The following IMPA2 variants were observed in gnomAD, a reference collection of about 807,000 sequenced individuals.
IMPA2 encodes IMP 2.
A neutral mutation model predicts 35.1 loss-of-function variants in IMPA2; 32 were observed. That is an observed-to-expected ratio of 0.91 (90% confidence interval 0.69 to 1.23). The LOEUF (loss-of-function observed/expected upper bound fraction) is 1.23, where lower values mean the gene tolerates loss of function less well. Among genes scored for constraint, IMPA2 ranks in the 50% most tolerant of loss-of-function variants. The pLI, the probability that IMPA2 is intolerant of heterozygous loss-of-function variation, is 0.00. For synonymous variants in IMPA2, 135 were observed against 160.6 expected (o/e 0.84, Z 1.20); for missense variants, 334 against 387.6 (o/e 0.86, Z 1.16).
chr18:11,985,710 C>A (rs1906646271), intron 1 of IMPA2, among the ~76,000 whole-genome samples: 2 of 152,184 alleles, frequency 1.3e-5, no homozygotes, highest in African/African-American at 4.8e-5. Context: ...TTTTTGTCAC[C>A]ATGCCAGGTG....
At chr18:12,009,738 A>C in intron 2 of IMPA2, 145 bp from the exon 3 acceptor site, 1 of 677,196 alleles carries the variant, frequency 1.5e-6, no homozygotes, top group Non-Finnish European at 2.6e-6. Flanking sequence ...GGTTGTTTAA[A>C]GACTCTGCCT....
At chr18:12,022,130 C>G (rs189635382) in intron 5 of IMPA2, among the ~76,000 whole-genome samples, 1 of 152,268 alleles carries the variant, frequency 6.6e-6, no homozygotes, top group East Asian at 1.9e-4. Flanking sequence ...ATCATCAGCA[C>G]TATATAATCT....
At chr18:12,014,445 T>G in intron 5 of IMPA2, 72 bp downstream of exon 5, 2 of 925,414 alleles carry the variant, frequency 2.2e-6, no homozygotes, top group East Asian at 2.7e-5. Flanking sequence ...AAAGCCACCA[T>G]GATGTGGGAC....
intron 5 of IMPA2, among the ~76,000 whole-genome samples, chr18:12,022,974 T>TTG (rs1907778819): frequency 6.8e-6 from 1 of 148,124 alleles, no homozygotes; most frequent in Non-Finnish European, 1.5e-5. Flanking sequence ...TTTGTACTTT[T>TTG]AGTAGTGACA....
At chr18:11,997,608 A>G (rs1906996715) in intron 1 of IMPA2, among the ~76,000 whole-genome samples, 1 of 152,110 alleles carries the variant, frequency 6.6e-6, no homozygotes, top group Admixed American at 6.6e-5. Flanking sequence ...TGGGAGGCTG[A>G]GTTTCGGGGG....
At position 12,028,336 on chromosome 18, in the gene IMPA2, G is replaced by A. The variant is rs980509594; in HGVS notation, c.599+185G>A. On this transcript the variant is annotated intron_variant, in intron 6 of 7. Coordinates refer to ENST00000269159, the MANE Select transcript of IMPA2 (RefSeq NM_014214.3). The stretch of plus-strand genomic sequence containing the variant: ...CTGCAGTAGATACTCCTATAGCCAG[G>A]CCTCTGGAGATGCGTGGGCACCTGT... 4.8e-5 allele frequency: 28 copies of A among 577,876 alleles called. No individual in the cohort carries two copies. In the African/African-American group the frequency reaches 5.0e-4, roughly 10 times the overall value. 35.8% of individuals were successfully genotyped at this position (577,876 alleles called of 1,614,324 possible). A position where few individuals can be genotyped will look rare whatever the true frequency, so the allele number is the denominator to read the frequency against.
intron 2 of IMPA2, among the ~76,000 whole-genome samples, chr18:12,009,143 G>A (rs1907362085): frequency 6.6e-6 from 1 of 152,190 alleles, no homozygotes; most frequent in Non-Finnish European, 1.5e-5. Flanking sequence ...TGAATGTGGT[G>A]GTATGCATCT....
intron 1 of IMPA2, among the ~76,000 whole-genome samples, chr18:11,987,020 G>T (rs1906686201): frequency 6.6e-6 from 1 of 152,156 alleles, no homozygotes; most frequent in South Asian, 2.1e-4. Flanking sequence ...TATACCTATT[G>T]TGAGCCATCC....
chr18:11,995,233 C>T (rs1040002115), intron 1 of IMPA2, among the ~76,000 whole-genome samples: 6 of 152,194 alleles, frequency 3.9e-5, no homozygotes, highest in East Asian at 1.9e-4. Context: ...CTCATTGCTC[C>T]GAGGTGTTTC....
At chr18:11,996,283 G>C (rs1053489468) in intron 1 of IMPA2, among the ~76,000 whole-genome samples, 1 of 152,232 alleles carries the variant, frequency 6.6e-6, no homozygotes, top group African/African-American at 2.4e-5. Context: ...TTTGGGATTT[G>C]GAGTTTCCCA....
intron 4 of IMPA2, 194 bp downstream of exon 4, chr18:12,012,409 G>T: frequency 1.7e-6 from 1 of 593,456 alleles, no homozygotes; most frequent in Admixed American, 3.0e-5. Flanking sequence ...GTGCGGGGTG[G>T]GGCTCCGTGG....
At chr18:12,013,311 G>A (rs899386239) in intron 4 of IMPA2, among the ~76,000 whole-genome samples, 1 of 152,188 alleles carries the variant, frequency 6.6e-6, no homozygotes, top group African/African-American at 2.4e-5. Flanking sequence ...GGACTGACCT[G>A]GTCATGAGGA....
chr18:12,012,341 T>C, intron 4 of IMPA2, 126 bp downstream of exon 4: 2 of 781,926 alleles, frequency 2.6e-6, no homozygotes, highest in South Asian at 3.2e-5. Flanking sequence ...GACTGGCAAA[T>C]CCAAGCCTGT....
intron 6 of IMPA2, chr18:12,028,466 T>C (rs1907944822): frequency 2.3e-6 from 1 of 440,644 alleles, no homozygotes; most frequent in East Asian, 3.7e-5. Flanking sequence ...CAGACAGGTT[T>C]ATCAAAGCCC....
intron 1 of IMPA2, among the ~76,000 whole-genome samples, chr18:11,988,963 A>G (rs1906737879): frequency 6.6e-6 from 1 of 152,208 alleles, no homozygotes; most frequent in Non-Finnish European, 1.5e-5. Context: ...CTGGGACTAC[A>G]GGCATGTGTC....
intron 2 of IMPA2, among the ~76,000 whole-genome samples, chr18:12,001,819 G>A (rs551882283): frequency 3.9e-5 from 6 of 152,162 alleles, no homozygotes; most frequent in Non-Finnish European, 8.8e-5. Context: ...CCCTGGTAGG[G>A]TCAGACCCAC....
At chr18:12,017,945 GTT>G (rs35186161) in intron 5 of IMPA2, 30 of 153,032 alleles carry the variant, frequency 2.0e-4, no homozygotes, top group Non-Finnish European at 2.9e-4. Flanking sequence ...TTTTTTTTCT[GTT>G]TTTTTTTTTC....
intron 1 of IMPA2, among the ~76,000 whole-genome samples, chr18:11,984,783 C>G (rs182461852): frequency 1.3e-5 from 2 of 151,642 alleles, no homozygotes; most frequent in Non-Finnish European, 2.9e-5. Flanking sequence ...CTGGCTAACA[C>G]GGTGAAACCT....
intron 3 of IMPA2, among the ~76,000 whole-genome samples, chr18:12,011,864 G>A (rs1255276694): frequency 6.6e-6 from 1 of 152,230 alleles, no homozygotes; most frequent in Non-Finnish European, 1.5e-5. Context: ...TTTAGGTCTG[G>A]AGAACCAGAA....
Sources: allele counts gnomAD v4.1 joint callset (sites outside exome capture counted in the v4.1 genomes callset), GRCh38; gene constraint gnomAD v4.1.1; transcripts MANE v1.5; gene names NCBI Gene and HGNC (gene_info 2026-07-23, HGNC 2026-07-21).